FGD4: variants seen among roughly 807,000 people sequenced by gnomAD.
The protein encoded by FGD4 is FYVE, RhoGEF and PH domain containing 4, also known as FYVE, RhoGEF and PH domain-containing protein 4.
FGD4 carries 42 observed loss-of-function variants against 102.0 expected under a neutral mutation model. The ratio of observed to expected loss-of-function variants is 0.41; its 90% CI spans 0.32 to 0.53. FGD4 has a LOEUF of 0.53. Ranked by LOEUF, FGD4 falls within the 20% of genes least tolerant of loss-of-function variation. The pLI, the probability that FGD4 is intolerant of heterozygous loss-of-function variation, is 0.21. For missense variants in FGD4, 902 were observed against 1,078.2 expected (o/e 0.84, Z 2.29); for synonymous variants, 380 against 375.7 (o/e 1.01, Z -0.13).
chr12:32,500,285 A>C (rs1425394230), intron 1 of FGD4, among the ~76,000 whole-genome samples: 1 of 152,186 alleles, frequency 6.6e-6, no homozygotes, highest in East Asian at 1.9e-4. Context: ...AATATTTGTA[A>C]AGTGTTTATT....
At chr12:32,577,081 A>G (rs1946185517) in intron 3 of FGD4, among the ~76,000 whole-genome samples, 1 of 152,152 alleles carries the variant, frequency 6.6e-6, no homozygotes, top group Non-Finnish European at 1.5e-5. Flanking sequence ...CAATGTTTGG[A>G]AAAAACAAAG....
intron 1 of FGD4, among the ~76,000 whole-genome samples, chr12:32,406,006 C>T (rs1019677562): frequency 1.1e-4 from 16 of 151,762 alleles, no homozygotes; most frequent in East Asian, 2.0e-4. Flanking sequence ...TGTAATGGCG[C>T]GATCTTGACT....
chr12:32,505,481 G>A (rs778707242), intron 1 of FGD4, among the ~76,000 whole-genome samples: 9 of 152,164 alleles, frequency 5.9e-5, no homozygotes, highest in Admixed American at 2.0e-4. Flanking sequence ...AGTTGTCATC[G>A]TCTTCTGTTT....
At chr12:32,595,239 ATC>A (rs1433134309) in intron 4 of FGD4, among the ~76,000 whole-genome samples, 1 of 152,154 alleles carries the variant, frequency 6.6e-6, no homozygotes, top group South Asian at 2.1e-4. Context: ...TTTAAGTTTT[ATC>A]TCTTTTTCCT....
At chr12:32,490,826 C>T (rs942622080) in intron 1 of FGD4, among the ~76,000 whole-genome samples, 1 of 152,192 alleles carries the variant, frequency 6.6e-6, no homozygotes, top group African/African-American at 2.4e-5. Context: ...ATCTTCCTAG[C>T]TGCACTTTTC....
At chr12:32,603,561 A>G (rs1294988137) in intron 7 of FGD4, among the ~76,000 whole-genome samples, 1 of 150,424 alleles carries the variant, frequency 6.6e-6, no homozygotes, top group Non-Finnish European at 1.5e-5. Context: ...AATTTTTTGT[A>G]TTTTTAGTAG....
intron 1 of FGD4, among the ~76,000 whole-genome samples, chr12:32,453,165 ATATATC>A (rs1308096354): frequency 7.1e-6 from 1 of 140,572 alleles, no homozygotes; most frequent in Non-Finnish European, 1.5e-5. Context: ...GTGTGTGTAT[ATATATC>A]TATATTATAT....
intron 7 of FGD4, 93 bp downstream of exon 7, chr12:32,602,410 C>A: frequency 6.8e-7 from 1 of 1,476,858 alleles, no homozygotes; most frequent in Non-Finnish European, 9.4e-7. Context: ...AGAGATCTGT[C>A]TGAGATACCT....
At chr12:32,400,096 C>T in intron 1 of FGD4, 137 bp downstream of exon 1, 1 of 1,254,400 alleles carries the variant, frequency 8.0e-7, no homozygotes, top group Non-Finnish European at 1.0e-6. Context: ...TTGTGGAAGG[C>T]TGCGCTCGGC....
chr12:32,480,171 TTTG>T lies in FGD4; in HGVS notation c.166+80215_166+80217del. Among the ~76,000 whole-genome samples, 2 of 150,768 alleles carry T rather than the reference TTTG, an allele frequency of 1.3e-5. 1 individual carries two copies. ...GTTTGTGGGGGTTTTTTTTGTTTTT[TTTG>T]TTTTGAGACTGAGTCTCGCTCTGTC... On this transcript the variant is annotated intron_variant, in intron 1 of 16. Transcript: ENST00000534526.
At chr12:32,442,923 G>T (rs925121889) in intron 1 of FGD4, among the ~76,000 whole-genome samples, 1 of 152,040 alleles carries the variant, frequency 6.6e-6, no homozygotes, top group Non-Finnish European at 1.5e-5. Context: ...CTTAATTTGT[G>T]TTTCTCTGAT....
At chr12:32,637,080 G>A (rs1276417668) in intron 15 of FGD4, among the ~76,000 whole-genome samples, 8 of 145,844 alleles carry the variant, frequency 5.5e-5, no homozygotes, top group African/African-American at 2.0e-4. Flanking sequence ...GTAGAGGCAG[G>A]GTTTCACTGT....
At chr12:32,566,427 A>G (rs1339600626) in intron 2 of FGD4, among the ~76,000 whole-genome samples, 1 of 152,164 alleles carries the variant, frequency 6.6e-6, no homozygotes, top group Admixed American at 6.5e-5. Context: ...CTCATTCATT[A>G]CAACCTGACC....
At chr12:32,442,862 A>G (rs886083019) in intron 1 of FGD4, among the ~76,000 whole-genome samples, 2 of 152,086 alleles carry the variant, frequency 1.3e-5, no homozygotes, top group African/African-American at 4.8e-5. Context: ...CCAGGCTTCC[A>G]TCTTTTATAG....
chr12:32,631,989 A>G (rs1950526264), intron 14 of FGD4, among the ~76,000 whole-genome samples: 1 of 152,222 alleles, frequency 6.6e-6, no homozygotes, highest in South Asian at 2.1e-4. Context: ...TTGCGGTTAC[A>G]GGTATGTCTA....
rs936506222 is a variant in FGD4, at chr12:32,636,041, A to T, written c.2313+2352A>T. ...AATAATAATAATAATAATAATAATAATAAGGATCTACTAATAAGAATGGAA... is the reference window on the plus strand; with the variant it reads ...AATAATAATAATAATAATAATAATATTAAGGATCTACTAATAAGAATGGAA... On this transcript the variant is annotated intron_variant, in intron 15 of 16. Transcript: ENST00000534526. Among the ~76,000 whole-genome samples the T allele has an allele frequency of 6.0e-5, 9 of 150,638 alleles. No individual in the cohort carries two copies. The East Asian group carries it at 1.7e-3, about 29-fold the overall frequency.
At chr12:32,626,147 A>G (rs1023568792) in intron 14 of FGD4, among the ~76,000 whole-genome samples, 2 of 152,196 alleles carry the variant, frequency 1.3e-5, no homozygotes, top group African/African-American at 4.8e-5. Flanking sequence ...GTTGATGCTT[A>G]AAAGATTGAG....
At chr12:32,452,646 G>T (rs1409006567) in intron 1 of FGD4, among the ~76,000 whole-genome samples, 1 of 152,194 alleles carries the variant, frequency 6.6e-6, no homozygotes, top group South Asian at 2.1e-4. Context: ...CTAGTCTACT[G>T]TTGTCCTTTG....
chr12:32,405,674 C>T (rs1341069558), intron 1 of FGD4, among the ~76,000 whole-genome samples: 1 of 152,086 alleles, frequency 6.6e-6, no homozygotes. Context: ...TGAAGGAAAT[C>T]TAGGTTCATG....
Sources: allele counts gnomAD v4.1 joint callset (sites outside exome capture counted in the v4.1 genomes callset), GRCh38; gene constraint gnomAD v4.1.1; transcripts MANE v1.5; gene names NCBI Gene and HGNC (gene_info 2026-07-23, HGNC 2026-07-21).